Variants in STXBP6 observed in about 807,000 individuals in gnomAD.
STXBP6 encodes the protein syntaxin binding protein 6, also known as syntaxin-binding protein 6.
STXBP6 carries 21 observed loss-of-function variants against 26.9 expected under a neutral mutation model. The ratio of observed to expected loss-of-function variants is 0.78; its 90% CI spans 0.55 to 1.12. STXBP6 has a LOEUF of 1.12. Among genes scored for constraint, STXBP6 ranks in the 50% most tolerant of loss-of-function variants. The pLI is 0.00. For synonymous variants in STXBP6, 97 were observed against 92.6 expected, an observed-to-expected ratio of 1.05 and a Z score of -0.27; for missense variants, 232 against 257.9, an observed-to-expected ratio of 0.90 and a Z score of 0.69.
intron 1 of STXBP6, among the ~76,000 whole-genome samples, chr14:25,021,835 A>G (rs867561767): frequency 4.7e-4 from 71 of 152,316 alleles, no homozygotes; most frequent in African/African-American, 1.7e-3. Flanking sequence ...GGGGAAAGCA[A>G]CTAATACAAT....
intron 2 of STXBP6, among the ~76,000 whole-genome samples, chr14:24,888,674 G>A (rs1052359303): frequency 4.6e-5 from 7 of 150,558 alleles, no homozygotes; most frequent in African/African-American, 1.2e-4. Flanking sequence ...AGTGAGCTGA[G>A]ATTGCGTCAC....
intron 1 of STXBP6, among the ~76,000 whole-genome samples, chr14:24,987,005 A>C (rs1401857875): frequency 6.6e-6 from 1 of 152,140 alleles, no homozygotes; most frequent in Non-Finnish European, 1.5e-5. Context: ...ACCCCTTTTT[A>C]ATCAGCATGT....
chr14:24,883,698 ACTGGG>A (rs2070458520), intron 2 of STXBP6, among the ~76,000 whole-genome samples: 1 of 152,002 alleles, frequency 6.6e-6, no homozygotes, highest in Non-Finnish European at 1.5e-5. Context: ...CACTGGAATC[ACTGGG>A]CTGGAATTAG....
intron 2 of STXBP6, among the ~76,000 whole-genome samples, chr14:24,898,052 A>G (rs549773379): frequency 4.7e-4 from 71 of 152,302 alleles, no homozygotes; most frequent in Admixed American, 1.4e-3. Flanking sequence ...CACGAGGTTT[A>G]GCAATCAGAG....
chr14:24,875,269 A>G (rs1240174541), intron 2 of STXBP6, among the ~76,000 whole-genome samples: 3 of 152,220 alleles, frequency 2.0e-5, no homozygotes, highest in African/African-American at 7.2e-5. Flanking sequence ...TATGAGTCAC[A>G]GAAGTGCATG....
chr14:25,016,885 G>C (rs1006197541), intron 1 of STXBP6, among the ~76,000 whole-genome samples: 1 of 152,158 alleles, frequency 6.6e-6, no homozygotes, highest in South Asian at 2.1e-4. Flanking sequence ...GAACTAAAAG[G>C]AAAATTATAA....
At chr14:24,918,448 C>CCA in intron 2 of STXBP6, among the ~76,000 whole-genome samples, 1 of 112,548 alleles carries the variant, frequency 8.9e-6, no homozygotes, top group Admixed American at 1.0e-4. Context: ...AAACCACACC[C>CCA]CCACCACACA....
chr14:25,047,190 A>C (rs563181413), intron 1 of STXBP6, among the ~76,000 whole-genome samples: 22 of 152,352 alleles, frequency 1.4e-4, no homozygotes, highest in Admixed American at 1.1e-3. Context: ...GAAATGGGGT[A>C]GTTTTTAGAT....
chr14:24,936,248 T>G (rs1246435916), intron 2 of STXBP6, among the ~76,000 whole-genome samples: 1 of 151,474 alleles, frequency 6.6e-6, no homozygotes, highest in Non-Finnish European at 1.5e-5. Context: ...TGTTTCCTGC[T>G]CCCCCTCCTC....
At chr14:24,976,631 A>G (rs914431282) in intron 1 of STXBP6, among the ~76,000 whole-genome samples, 3 of 152,120 alleles carry the variant, frequency 2.0e-5, no homozygotes, top group Admixed American at 6.5e-5. Flanking sequence ...TTCATAATTT[A>G]CCCCATGACT....
At chr14:24,970,969 T>C (rs968998837) in intron 2 of STXBP6, among the ~76,000 whole-genome samples, 1 of 152,210 alleles carries the variant, frequency 6.6e-6, no homozygotes, top group Non-Finnish European at 1.5e-5. Flanking sequence ...TAAGCACTTG[T>C]ATATATCATT....
intron 1 of STXBP6, among the ~76,000 whole-genome samples, chr14:25,016,964 G>C (rs1443805858): frequency 6.6e-6 from 1 of 152,168 alleles, no homozygotes; most frequent in African/African-American, 2.4e-5. Context: ...GTGCCGTCCA[G>C]CTGTATAGTA....
intron 1 of STXBP6, among the ~76,000 whole-genome samples, chr14:25,018,538 ACACT>A (rs1416205612): frequency 1.3e-5 from 2 of 152,134 alleles, no homozygotes; most frequent in Non-Finnish European, 1.5e-5. Context: ...CACTCTCCTG[ACACT>A]CTATCTCTTT....
chr14:24,819,471 T>C, intron 4 of STXBP6: 4 of 578,156 alleles, frequency 6.9e-6, no homozygotes, highest in Non-Finnish European at 1.2e-5. Context: ...GCCAGTATTC[T>C]ATCTGTGGAG....
intron 2 of STXBP6, among the ~76,000 whole-genome samples, chr14:24,876,540 T>G (rs150866955): frequency 7.2e-5 from 11 of 152,256 alleles, no homozygotes; most frequent in African/African-American, 2.4e-4. Flanking sequence ...TAACTCACAT[T>G]AGTATGGGGC....
intron 2 of STXBP6, among the ~76,000 whole-genome samples, chr14:24,943,734 G>T (rs2072884096): frequency 6.6e-6 from 1 of 152,096 alleles, no homozygotes. Flanking sequence ...ATTCAGAAAG[G>T]AATAAAAATA....
At chr14:24,879,311 TAGA>T (rs1318224774) in intron 2 of STXBP6, among the ~76,000 whole-genome samples, 1 of 152,206 alleles carries the variant, frequency 6.6e-6, no homozygotes, top group African/African-American at 2.4e-5. Flanking sequence ...GGAAGCATAA[TAGA>T]AGTTTTCCTT....
At chr14:24,938,413 C>A (rs778553512) in intron 2 of STXBP6, among the ~76,000 whole-genome samples, 4 of 152,104 alleles carry the variant, frequency 2.6e-5, no homozygotes, top group Non-Finnish European at 5.9e-5. Flanking sequence ...ATGCTTCATA[C>A]TTTATCCCTG....
chr14:24,863,995 C>T (rs911744428), intron 2 of STXBP6, among the ~76,000 whole-genome samples: 10 of 152,082 alleles, frequency 6.6e-5, no homozygotes, highest in African/African-American at 2.4e-4. Flanking sequence ...GTTGTGACAA[C>T]GGATGGTTTC....
Sources: gnomAD v4.1 joint callset for allele counts (sites outside exome capture counted in the v4.1 genomes callset) on GRCh38, gnomAD v4.1.1 for gene constraint, MANE v1.5 for transcripts, NCBI Gene and HGNC (gene_info 2026-07-23, HGNC 2026-07-21) for gene names.